Variants in FAAH2 observed in about 807,000 individuals in gnomAD.
The protein encoded by FAAH2 is fatty-acid amide hydrolase 2.
In FAAH2, 60 loss-of-function variants were observed where a neutral mutation model predicts 36.9. That is an observed-to-expected ratio of 1.63 (90% CI 1.32 to 2.02). The LOEUF (loss-of-function observed/expected upper bound fraction) is 2.02, where lower values mean the gene tolerates loss of function less well. Ranked by LOEUF, FAAH2 falls within the 30% of genes most tolerant of loss-of-function variation. FAAH2 has a pLI of 0.00. For synonymous variants in FAAH2, 214 were observed against 143.8 expected, an observed-to-expected ratio of 1.49 and a Z score of -3.49; for missense variants, 689 against 397.5, an observed-to-expected ratio of 1.73 and a Z score of -6.23.
chrX:57,437,112 C>CA (rs1294350801), intron 8 of FAAH2, among the ~76,000 whole-genome samples: 1 of 110,923 alleles, frequency 9.0e-6, no homozygotes, highest in African/African-American at 3.3e-5. Context: ...ATTACATAAA[C>CA]AAAAATAACA....
the FAAH2 span, among the ~76,000 whole-genome samples, chrX:57,268,984 C>G: frequency 9.0e-6 from 1 of 111,319 alleles, no homozygotes; most frequent in African/African-American, 3.3e-5. Flanking sequence ...ATGCTGTCTT[C>G]AAGAGCCCTA....
chrX:57,418,545 C>G (rs889033317), intron 7 of FAAH2, among the ~76,000 whole-genome samples: 15 of 110,743 alleles, frequency 1.4e-4, no homozygotes, highest in African/African-American at 4.9e-4. Context: ...TTGGCTCATC[C>G]TCCATGGGCT....
the FAAH2 span, among the ~76,000 whole-genome samples, chrX:57,181,750 TAA>T: frequency 3.5e-4 from 39 of 111,501 alleles, no homozygotes; most frequent in African/African-American, 1.2e-3. Flanking sequence ...TATGGAACCA[TAA>T]AAAAGCCTGA....
chrX:57,471,934 T>C (rs1388181359), intron 10 of FAAH2, among the ~76,000 whole-genome samples: 2 of 110,829 alleles, frequency 1.8e-5, no homozygotes, highest in Non-Finnish European at 3.8e-5. Flanking sequence ...TCAGAAATAA[T>C]ACCACACATC....
intron 7 of FAAH2, among the ~76,000 whole-genome samples, chrX:57,387,906 A>G (rs1448305304): frequency 9.0e-6 from 1 of 111,362 alleles, no homozygotes; most frequent in Non-Finnish European, 1.9e-5. Context: ...AGAGAAAGAC[A>G]TTATTACATC....
At chrX:57,309,559 A>G (rs922072567) in intron 2 of FAAH2, among the ~76,000 whole-genome samples, 2 of 111,592 alleles carry the variant, frequency 1.8e-5, no homozygotes, top group South Asian at 3.8e-4. Flanking sequence ...CTATCAATCC[A>G]TCACCTAAGT....
chrX:57,427,927 T>G (rs1228460334), intron 7 of FAAH2, among the ~76,000 whole-genome samples: 1 of 111,575 alleles, frequency 9.0e-6, no homozygotes, highest in East Asian at 2.8e-4. Context: ...GAGAAAGAAA[T>G]AAAAGCCCTC....
rs2056009976 is a variant in FAAH2, at chrX:57,421,086, C to A, written c.997-10832C>A. ...AGCCTCTGGTAATCAACATTCTATT[C>A]ATTACCTTCATAAGATTAACATTTT... On this transcript the variant is annotated intron_variant, in intron 7 of 10. Coordinates refer to ENST00000374900, the MANE Select transcript of FAAH2 (RefSeq NM_174912.4). Among the ~76,000 whole-genome samples, 4 of 112,167 alleles carry A rather than the reference C, an allele frequency of 3.6e-5. No individual in the cohort carries two copies. In the South Asian group the frequency reaches 1.5e-3, roughly 42 times the overall value.
intron 7 of FAAH2, among the ~76,000 whole-genome samples, chrX:57,420,184 A>G (rs1422588075): frequency 2.7e-5 from 3 of 110,639 alleles, no homozygotes; most frequent in Non-Finnish European, 5.7e-5. Context: ...TTGGCTTAGG[A>G]TTGACTTGGC....
chrX:57,338,527 G>A (rs1376039822), intron 4 of FAAH2, among the ~76,000 whole-genome samples: 2 of 111,425 alleles, frequency 1.8e-5, no homozygotes, highest in African/African-American at 6.5e-5. Context: ...CAAGTCACAG[G>A]GGATGCGATG....
intron 3 of FAAH2, among the ~76,000 whole-genome samples, chrX:57,329,844 C>T (rs762741555): frequency 9.0e-6 from 1 of 111,706 alleles, no homozygotes; most frequent in South Asian, 3.8e-4. Flanking sequence ...CAAATTAATA[C>T]TTTTGTAATT....
chrX:57,296,871 G>T (rs2052180067), intron 2 of FAAH2, among the ~76,000 whole-genome samples: 1 of 111,347 alleles, frequency 9.0e-6, no homozygotes, highest in Non-Finnish European at 1.9e-5. Flanking sequence ...AAGATCAAAT[G>T]AATGAAATGA....
intron 9 of FAAH2, among the ~76,000 whole-genome samples, chrX:57,447,421 T>C (rs1263328991): frequency 8.9e-6 from 1 of 111,786 alleles, no homozygotes; most frequent in African/African-American, 3.3e-5. Flanking sequence ...AGTGCTCCAG[T>C]GGGGACTCTG....
intron 5 of FAAH2, among the ~76,000 whole-genome samples, chrX:57,356,010 A>T (rs1330529668): frequency 9.0e-6 from 1 of 111,152 alleles, no homozygotes; most frequent in East Asian, 2.8e-4. Context: ...GAATTGTTTC[A>T]TATGATTTTC....
the FAAH2 span, among the ~76,000 whole-genome samples, chrX:57,256,488 AG>A: frequency 8.9e-6 from 1 of 111,886 alleles, no homozygotes; most frequent in African/African-American, 3.2e-5. Context: ...AAAAGAAAAA[AG>A]TTGAAGGCAC....
chrX:57,135,863 A>G, the FAAH2 span: 1 of 1,208,566 alleles, frequency 8.3e-7, no homozygotes, highest in African/African-American at 1.8e-5. Context: ...TATGGAAATC[A>G]TCATCAAACT....
chrX:57,310,775 G>T (rs1393618621), intron 3 of FAAH2, 46 bp downstream of exon 3: 7 of 1,138,729 alleles, frequency 6.1e-6, no homozygotes, highest in South Asian at 2.2e-5. Flanking sequence ...TTCACAAGTT[G>T]CTACATTTTC....
the FAAH2 span, among the ~76,000 whole-genome samples, chrX:57,247,144 C>G: frequency 1.6e-4 from 18 of 111,412 alleles, no homozygotes; most frequent in South Asian, 6.3e-3. Flanking sequence ...TTGCTAATTT[C>G]TCTTTTAGAA....
chrX:57,171,124 A>G, the FAAH2 span, among the ~76,000 whole-genome samples: 3 of 111,652 alleles, frequency 2.7e-5, no homozygotes, highest in Admixed American at 9.5e-5. Flanking sequence ...ATTCCATGGT[A>G]TGTATATACC....
Sources: allele counts gnomAD v4.1 joint callset (sites outside exome capture counted in the v4.1 genomes callset), GRCh38; gene constraint gnomAD v4.1.1; transcripts MANE v1.5; gene names NCBI Gene and HGNC (gene_info 2026-07-23, HGNC 2026-07-21).